The following RPH3A variants were observed in gnomAD, a reference collection of about 807,000 sequenced individuals.
The protein encoded by RPH3A is rabphilin 3A.
Under a neutral mutation model 102.2 loss-of-function variants are expected in RPH3A, and 48 were observed. The ratio of observed to expected loss-of-function variants is 0.47; its 90% CI spans 0.37 to 0.60. RPH3A has a LOEUF of 0.60. RPH3A is among the 20% of genes least tolerant of loss of function. RPH3A has a pLI of 0.00. For missense variants in RPH3A, 781 were observed against 910.1 expected, an observed-to-expected ratio of 0.86 and a Z score of 1.83; for synonymous variants, 310 against 324.3, an observed-to-expected ratio of 0.96 and a Z score of 0.47.
At chr12:112,811,666 G>A (rs533043935) in intron 2 of RPH3A, among the ~76,000 whole-genome samples, 1 of 152,316 alleles carries the variant, frequency 6.6e-6, no homozygotes, top group South Asian at 2.1e-4. Flanking sequence ...GCATGTCTGT[G>A]AATGACCATG....
chr12:112,608,353 T>C (rs1427695278), intron 1 of RPH3A, among the ~76,000 whole-genome samples: 1 of 152,122 alleles, frequency 6.6e-6, no homozygotes, highest in Non-Finnish European at 1.5e-5. Context: ...TGACCCCAGG[T>C]GATCCACCCG....
chr12:112,896,828 G>T lies in RPH3A; in HGVS notation c.*48G>T. 6.2e-7 allele frequency: 1 copy of T among 1,607,284 alleles called. No individual in the cohort carries two copies. On this transcript the variant is annotated 3_prime_UTR_variant, in exon 22 of 22. Coordinates refer to ENST00000389385, the MANE Select transcript of RPH3A (RefSeq NM_001143854.2). ...CCATGTCCCGGGTCCCCCCCAGCCT[G>T]CTCTAGCTGCCCACCGCACCCTGAT...
intron 1 of RPH3A, among the ~76,000 whole-genome samples, chr12:112,614,688 CAAAAAAAAAA>C (rs35810360): frequency 1.0e-3 from 28 of 27,156 alleles, no homozygotes; most frequent in African/African-American, 3.0e-3. Context: ...GACCCTGCCT[CAAAAAAAAAA>C]AAAAAAAAAA....
chr12:112,651,415 CA>C (rs2039974491), intron 1 of RPH3A, among the ~76,000 whole-genome samples: 1 of 152,026 alleles, frequency 6.6e-6, no homozygotes, highest in East Asian at 1.9e-4. Flanking sequence ...AAAATCCCAA[CA>C]AAAACCAACT....
chr12:112,836,143 G>C (rs111379265), intron 3 of RPH3A, among the ~76,000 whole-genome samples: 3,365 of 152,268 alleles, frequency 0.022, 101 homozygotes, highest in African/African-American at 0.066. Flanking sequence ...TTGTCCCCCA[G>C]TGTTTGAAAT....
intron 1 of RPH3A, among the ~76,000 whole-genome samples, chr12:112,727,261 C>T (rs2040597122): frequency 6.6e-6 from 1 of 151,126 alleles, no homozygotes; most frequent in Non-Finnish European, 1.5e-5. Context: ...ACAGGTGGCA[C>T]ATGCCTGTAA....
At chr12:112,771,321 A>G (rs2040926219) in intron 1 of RPH3A, among the ~76,000 whole-genome samples, 1 of 152,224 alleles carries the variant, frequency 6.6e-6, no homozygotes, top group Non-Finnish European at 1.5e-5. Flanking sequence ...AATTATCAGT[A>G]TATGGCTTTT....
At chr12:112,707,415 T>C (rs1306302559) in intron 1 of RPH3A, among the ~76,000 whole-genome samples, 1 of 152,212 alleles carries the variant, frequency 6.6e-6, no homozygotes, top group African/African-American at 2.4e-5. Context: ...AGTTTTACCC[T>C]AACTTTACAG....
At chr12:112,779,701 C>T (rs1374592928) in intron 1 of RPH3A, among the ~76,000 whole-genome samples, 1 of 152,138 alleles carries the variant, frequency 6.6e-6, no homozygotes, top group Non-Finnish European at 1.5e-5. Context: ...ACCCATCACA[C>T]CTCCACTGTA....
intron 1 of RPH3A, among the ~76,000 whole-genome samples, chr12:112,609,625 T>C (rs917764549): frequency 3.3e-5 from 5 of 152,222 alleles, no homozygotes; most frequent in South Asian, 2.1e-4. Flanking sequence ...CTAGCATTGA[T>C]GACAGAGCTT....
At chr12:112,807,564 G>A (rs2041493524) in intron 2 of RPH3A, among the ~76,000 whole-genome samples, 1 of 152,108 alleles carries the variant, frequency 6.6e-6, no homozygotes, top group Admixed American at 6.5e-5. Context: ...TCTTCATGTG[G>A]GAAATGAAGA....
intron 2 of RPH3A, among the ~76,000 whole-genome samples, chr12:112,801,527 C>T (rs776695931): frequency 2.6e-5 from 4 of 152,122 alleles, no homozygotes; most frequent in Non-Finnish European, 4.4e-5. Flanking sequence ...GGAAAGCTCC[C>T]GAGGGAGAAA....
At chr12:112,846,903 G>C (rs560706633) in intron 4 of RPH3A, among the ~76,000 whole-genome samples, 1 of 152,130 alleles carries the variant, frequency 6.6e-6, no homozygotes, top group Non-Finnish European at 1.5e-5. Flanking sequence ...AGGCTCCCTG[G>C]GTCTGAATCC....
chr12:112,576,909 C>CTTTTTTTTTTTTTTTTTTTTTTT (rs3036138), intron 1 of RPH3A, among the ~76,000 whole-genome samples: 2 of 114,620 alleles, frequency 1.7e-5, no homozygotes, highest in African/African-American at 3.6e-5. Context: ...TCTTTTCTTC[C>CTTTTTTTTTTTTTTTTTTTTTTT]TTTTTTTTTT....
chr12:112,794,560 ACT>A (rs1376156326), intron 2 of RPH3A, among the ~76,000 whole-genome samples: 1 of 151,858 alleles, frequency 6.6e-6, no homozygotes, highest in Non-Finnish European at 1.5e-5. Context: ...CTCCAAAGAG[ACT>A]CTTCTCAGGA....
chr12:112,792,585 G>GAGTTAAC (rs2041143256), intron 2 of RPH3A, among the ~76,000 whole-genome samples: 1 of 152,210 alleles, frequency 6.6e-6, no homozygotes, highest in Non-Finnish European at 1.5e-5. Context: ...TTCTCTGAGA[G>GAGTTAAC]AGTTAACCCT....
chr12:112,843,019 A>G (rs1015138933), intron 4 of RPH3A, among the ~76,000 whole-genome samples: 3 of 152,112 alleles, frequency 2.0e-5, no homozygotes, highest in African/African-American at 7.2e-5. Flanking sequence ...CCCTCTGGGT[A>G]TTTTCTGGAT....
chr12:112,847,828 G>A lies in RPH3A; in HGVS notation c.216G>A (p.Glu72=). The change falls in exon 5 of 22, where the codon GAG becomes GAA. Residue 72 remains glutamate (E), a synonymous_variant. Coordinates refer to ENST00000389385, the MANE Select transcript of RPH3A (RefSeq NM_001143854.2). The part of the protein sequence containing the change: ...IARAEKMEEM[E]QERIGRLVDR... Reference sequence around the variant, plus strand: ...GAGCTGAGAAAATGGAAGAGATGGAGCAGGAGCGAATCGGGTGAGGCTTAA... The same window carrying A: ...GAGCTGAGAAAATGGAAGAGATGGAACAGGAGCGAATCGGGTGAGGCTTAA... 6.2e-7 allele frequency: 1 copy of A among 1,614,178 alleles called. No homozygotes were observed. The highest frequency in any genetic ancestry group is 8.5e-7 in the Non-Finnish European group (1 of 1,180,010).
chr12:112,881,726 C>T, intron 14 of RPH3A, 46 bp from the exon 15 acceptor site: 2 of 1,424,930 alleles, frequency 1.4e-6, no homozygotes, highest in Non-Finnish European at 2.0e-6. Flanking sequence ...CAGCTGAGCA[C>T]TGGGCCCTCC....
Sources: allele counts gnomAD v4.1 joint callset (sites outside exome capture counted in the v4.1 genomes callset), GRCh38; gene constraint gnomAD v4.1.1; transcripts MANE v1.5; gene names NCBI Gene and HGNC (gene_info 2026-07-23, HGNC 2026-07-21).